The following NPAS3 variants were observed in gnomAD, a reference collection of about 807,000 sequenced individuals.
NPAS3 encodes neuronal PAS domain protein 3.
Under a neutral mutation model 73.1 loss-of-function variants are expected in NPAS3, and 14 were observed. The ratio of observed to expected loss-of-function variants is 0.19; its 90% CI spans 0.13 to 0.30. The LOEUF (loss-of-function observed/expected upper bound fraction) is 0.30. NPAS3 is among the 10% of genes least tolerant of loss of function. The pLI is 1.00. For synonymous variants in NPAS3, 620 were observed against 541.5 expected, an observed-to-expected ratio of 1.14 and a Z score of -2.01; for missense variants, 1,096 against 1,250.0, an observed-to-expected ratio of 0.88 and a Z score of 1.86.
At chr14:33,165,731 GT>G (rs1174815197) in intron 2 of NPAS3, among the ~76,000 whole-genome samples, 1 of 150,972 alleles carries the variant, frequency 6.6e-6, no homozygotes, top group East Asian at 1.9e-4. Context: ...TTAATTGAAG[GT>G]ACATTTTGAA....
chr14:33,363,173 C>T (rs952549906), intron 3 of NPAS3, among the ~76,000 whole-genome samples: 1 of 152,174 alleles, frequency 6.6e-6, no homozygotes, highest in African/African-American at 2.4e-5. Flanking sequence ...AATCCTCAGC[C>T]CTCCTCACGT....
chr14:33,542,095 T>G (rs149644693), intron 4 of NPAS3, among the ~76,000 whole-genome samples: 8 of 152,208 alleles, frequency 5.3e-5, no homozygotes, highest in Non-Finnish European at 1.2e-4. Context: ...TATACATATT[T>G]GGCTGCAAAT....
intron 3 of NPAS3, among the ~76,000 whole-genome samples, chr14:33,269,396 G>A (rs965574019): frequency 1.3e-5 from 2 of 152,116 alleles, no homozygotes; most frequent in Admixed American, 6.6e-5. Context: ...TTTAGTAAGT[G>A]GCAGAGCTGG....
At chr14:33,210,372 T>C (rs963254361) in intron 2 of NPAS3, among the ~76,000 whole-genome samples, 2 of 152,178 alleles carry the variant, frequency 1.3e-5, no homozygotes, top group African/African-American at 4.8e-5. Flanking sequence ...TTTCAAACTT[T>C]TTTGGGGATA....
intron 4 of NPAS3, among the ~76,000 whole-genome samples, chr14:33,426,023 A>G (rs1391380425): frequency 6.6e-6 from 1 of 152,076 alleles, no homozygotes; most frequent in Non-Finnish European, 1.5e-5. Context: ...TTCTGGTGCT[A>G]GAGAGAGGAC....
chr14:33,508,794 G>A (rs916528127), intron 4 of NPAS3, among the ~76,000 whole-genome samples: 1 of 152,004 alleles, frequency 6.6e-6, no homozygotes, highest in Non-Finnish European at 1.5e-5. Context: ...TGGTATAGCT[G>A]AGAAAAGAAA....
intron 7 of NPAS3, among the ~76,000 whole-genome samples, chr14:33,770,940 T>C (rs1016285586): frequency 1.3e-5 from 2 of 152,178 alleles, no homozygotes; most frequent in South Asian, 4.1e-4. Context: ...GCAACACACT[T>C]ATTTTTTTGT....
At chr14:33,002,721 A>G (rs532447328) in intron 1 of NPAS3, among the ~76,000 whole-genome samples, 1 of 152,354 alleles carries the variant, frequency 6.6e-6, no homozygotes, top group East Asian at 1.9e-4. Context: ...GATGGTAGCA[A>G]ATTGGGAATG....
rs550555729 is a variant in NPAS3, at chr14:33,221,109, T to A, written c.385+5683T>A. Reference sequence around the variant, plus strand: ...GCTCTGGCTGGGCTTGGCTCCTTGCTGGGGGTTCAGCCTAGCTCTGTCCCA... The same window carrying A: ...GCTCTGGCTGGGCTTGGCTCCTTGCAGGGGGTTCAGCCTAGCTCTGTCCCA... On this transcript the variant is annotated intron_variant, in intron 3 of 11. Transcript: ENST00000356141. Among the ~76,000 whole-genome samples, 4 of 152,300 alleles carry A rather than the reference T, an allele frequency of 2.6e-5. No homozygotes were observed. In the East Asian group the frequency reaches 7.7e-4, roughly 29 times the overall value.
intron 2 of NPAS3, among the ~76,000 whole-genome samples, chr14:33,167,993 A>G (rs1449001663): frequency 6.6e-6 from 1 of 152,226 alleles, no homozygotes; most frequent in East Asian, 1.9e-4. Context: ...GCATCTCTCA[A>G]AAGTGGGTTG....
chr14:33,259,855 ATCTT>A (rs2048907648), intron 3 of NPAS3, among the ~76,000 whole-genome samples: 1 of 46,318 alleles, frequency 2.2e-5, no homozygotes, highest in Non-Finnish European at 6.0e-5. Context: ...CAGCAGCAGC[ATCTT>A]TTTTTTTTTT....
chr14:33,482,705 C>T (rs893234390), intron 4 of NPAS3, among the ~76,000 whole-genome samples: 2 of 152,016 alleles, frequency 1.3e-5, no homozygotes, highest in Non-Finnish European at 2.9e-5. Context: ...CCAGCGAGGT[C>T]TGGTCTCTTT....
chr14:33,198,690 G>A (rs555518132), intron 2 of NPAS3, among the ~76,000 whole-genome samples: 11 of 152,324 alleles, frequency 7.2e-5, no homozygotes, highest in Middle Eastern at 3.4e-3. Flanking sequence ...AGTGGATCCC[G>A]CACCAGGTCC....
At chr14:33,480,737 C>A (rs1248769310) in intron 4 of NPAS3, among the ~76,000 whole-genome samples, 1 of 151,902 alleles carries the variant, frequency 6.6e-6, no homozygotes, top group Non-Finnish European at 1.5e-5. Flanking sequence ...AGACATAAAC[C>A]TCACTTTGTC....
At chr14:33,187,064 C>T (rs558909879) in intron 2 of NPAS3, among the ~76,000 whole-genome samples, 3 of 152,214 alleles carry the variant, frequency 2.0e-5, no homozygotes, top group Non-Finnish European at 4.4e-5. Flanking sequence ...TGAATTACCA[C>T]AACACCCTTT....
chr14:33,624,189 C>T (rs1162915911), intron 5 of NPAS3, among the ~76,000 whole-genome samples: 1 of 152,186 alleles, frequency 6.6e-6, no homozygotes, highest in Admixed American at 6.5e-5. Context: ...CTTACACTCT[C>T]CTGGGATGGG....
chr14:33,024,646 A>G (rs1448075686), intron 1 of NPAS3, among the ~76,000 whole-genome samples: 2 of 152,208 alleles, frequency 1.3e-5, no homozygotes, highest in Non-Finnish European at 2.9e-5. Flanking sequence ...ATTTATTTAC[A>G]AAACATTGTT....
At chr14:33,321,703 G>A (rs1266634186) in intron 3 of NPAS3, among the ~76,000 whole-genome samples, 1 of 151,860 alleles carries the variant, frequency 6.6e-6, no homozygotes, top group Non-Finnish European at 1.5e-5. Flanking sequence ...GTGGTGGTGG[G>A]TTAATGCACA....
intron 1 of NPAS3, among the ~76,000 whole-genome samples, chr14:33,024,255 T>A (rs2138288803): frequency 6.6e-6 from 1 of 151,444 alleles, no homozygotes; most frequent in Admixed American, 6.6e-5. Flanking sequence ...CACTGAAACC[T>A]CCACCTCCTG....
Sources: allele counts gnomAD v4.1 joint callset (sites outside exome capture counted in the v4.1 genomes callset), GRCh38; gene constraint gnomAD v4.1.1; transcripts MANE v1.5; gene names NCBI Gene and HGNC (gene_info 2026-07-23, HGNC 2026-07-21).